The following HHAT variants were observed in gnomAD, a reference collection of about 807,000 sequenced individuals.
HHAT encodes protein-cysteine N-palmitoyltransferase HHAT.
HHAT carries 47 observed loss-of-function variants against 70.8 expected under a neutral mutation model. The ratio of observed to expected loss-of-function variants is 0.66; its 90% confidence interval spans 0.53 to 0.85. The LOEUF is 0.85. HHAT is among the 40% of genes least tolerant of loss of function. The pLI is 0.00. For missense variants in HHAT, 609 were observed against 604.8 expected (o/e 1.01, Z -0.07); for synonymous variants, 228 against 247.6 (o/e 0.92, Z 0.74).
intron 3 of HHAT, among the ~76,000 whole-genome samples, chr1:210,369,154 A>G (rs1571930452): frequency 6.6e-6 from 1 of 152,206 alleles, no homozygotes; most frequent in African/African-American, 2.4e-5. Context: ...ACAGAGAGAC[A>G]TTTACATGTA....
chr1:210,373,334 TTC>T (rs942761064), intron 3 of HHAT, among the ~76,000 whole-genome samples: 10 of 152,306 alleles, frequency 6.6e-5, no homozygotes, highest in African/African-American at 2.4e-4. Context: ...AAACATTTCC[TTC>T]TCTCAGTACA....
intron 4 of HHAT, among the ~76,000 whole-genome samples, chr1:210,398,972 A>G (rs928817387): frequency 1.3e-5 from 2 of 152,210 alleles, no homozygotes; most frequent in South Asian, 2.1e-4. Context: ...GAGCTAGAGT[A>G]TAGGTTTGGG....
intron 9 of HHAT, among the ~76,000 whole-genome samples, chr1:210,518,884 G>C (rs946972524): frequency 1.3e-5 from 2 of 152,200 alleles, no homozygotes; most frequent in Non-Finnish European, 2.9e-5. Context: ...CAAATAGAAA[G>C]TTGGGAGTTT....
intron 5 of HHAT, 40 bp from the exon 6 acceptor site, chr1:210,404,424 C>A (rs1255453392): frequency 1.3e-6 from 2 of 1,497,778 alleles, no homozygotes; most frequent in Non-Finnish European, 1.9e-6. Flanking sequence ...GATGTCCCTG[C>A]TGGCCACTCA....
chr1:210,370,470 G>A (rs2089465320), intron 3 of HHAT, among the ~76,000 whole-genome samples: 3 of 151,670 alleles, frequency 2.0e-5, no homozygotes, highest in Admixed American at 2.0e-4. Context: ...ACTGCATCTG[G>A]CCTTTAAGGA....
At chr1:210,481,000 A>C (rs1277583864) in intron 8 of HHAT, among the ~76,000 whole-genome samples, 1 of 152,204 alleles carries the variant, frequency 6.6e-6, no homozygotes, top group Non-Finnish European at 1.5e-5. Context: ...AACAGGCAAA[A>C]GCACATACGC....
chr1:210,578,773 G>A (rs967642023), intron 9 of HHAT, among the ~76,000 whole-genome samples: 5 of 152,062 alleles, frequency 3.3e-5, no homozygotes, highest in Admixed American at 2.0e-4. Flanking sequence ...CTATGAAGGC[G>A]AAATAAGCCC....
intron 10 of HHAT, among the ~76,000 whole-genome samples, chr1:210,593,471 C>T (rs547868929): frequency 4.6e-5 from 7 of 152,140 alleles, no homozygotes; most frequent in South Asian, 2.1e-4. Flanking sequence ...TCCCTGTGTT[C>T]GTATAGTTTC....
intron 3 of HHAT, among the ~76,000 whole-genome samples, chr1:210,378,902 T>C (rs2090428801): frequency 6.6e-6 from 1 of 152,248 alleles, no homozygotes; most frequent in South Asian, 2.1e-4. Flanking sequence ...AAGCTGGAGC[T>C]GGATTCCAAT....
intron 6 of HHAT, 120 bp from the exon 7 acceptor site, chr1:210,418,034 C>A: frequency 3.2e-6 from 3 of 947,688 alleles, no homozygotes; most frequent in Non-Finnish European, 3.4e-6. Context: ...ACAAACCAAA[C>A]CAACCCTCTG....
chr1:210,388,915 A>C (rs1285160370), intron 4 of HHAT, among the ~76,000 whole-genome samples: 1 of 152,302 alleles, frequency 6.6e-6, no homozygotes, highest in East Asian at 1.9e-4. Flanking sequence ...TGTGAGGGGA[A>C]GATGATGTAC....
intron 3 of HHAT, among the ~76,000 whole-genome samples, chr1:210,376,709 C>T (rs1004522421): frequency 1.3e-5 from 2 of 152,114 alleles, no homozygotes; most frequent in Admixed American, 6.5e-5. Flanking sequence ...GGAGGTGTCT[C>T]TTGGACAGCT....
At chr1:210,588,377 C>T (rs1660950929) in intron 10 of HHAT, 1 of 338,366 alleles carries the variant, frequency 3.0e-6, no homozygotes, top group Admixed American at 4.4e-5. Flanking sequence ...TCAACAGAAA[C>T]CATGTTAAGA....
intron 8 of HHAT, among the ~76,000 whole-genome samples, chr1:210,512,791 G>C (rs532770008): frequency 6.6e-6 from 1 of 152,090 alleles, no homozygotes; most frequent in South Asian, 2.1e-4. Context: ...AAAGTGGAAG[G>C]TACCTGGGAG....
chr1:210,620,341 C>T (rs1010043654), intron 10 of HHAT, among the ~76,000 whole-genome samples: 1 of 152,100 alleles, frequency 6.6e-6, no homozygotes, highest in Non-Finnish European at 1.5e-5. Context: ...GAGAGAGATC[C>T]CTGATGTCAA....
chr1:210,606,352 CTG>C (rs950956264), intron 10 of HHAT, among the ~76,000 whole-genome samples: 9 of 152,290 alleles, frequency 5.9e-5, no homozygotes, highest in African/African-American at 2.2e-4. Flanking sequence ...TCTTACACAA[CTG>C]TTTCCTCCAC....
chr1:210,480,294 A>C (rs951114355), intron 8 of HHAT, among the ~76,000 whole-genome samples: 1 of 152,198 alleles, frequency 6.6e-6, no homozygotes, highest in Admixed American at 6.5e-5. Flanking sequence ...CAAGCTGAGG[A>C]GTCAAAGTTG....
chr1:210,582,119 A>C (rs1317179004), intron 9 of HHAT, among the ~76,000 whole-genome samples: 2 of 152,242 alleles, frequency 1.3e-5, no homozygotes, highest in Non-Finnish European at 2.9e-5. Flanking sequence ...TGGGAAATCA[A>C]CTGGATTTTG....
intron 3 of HHAT, chr1:210,369,575 C>CTG (rs2089352340): frequency 6.6e-6 from 1 of 152,226 alleles, no homozygotes; most frequent in Admixed American, 6.5e-5. Context: ...TGCACACCTG[C>CTG]TGTGTAAGCA....
Sources: allele counts gnomAD v4.1 joint callset (sites outside exome capture counted in the v4.1 genomes callset), GRCh38; gene constraint gnomAD v4.1.1; transcripts MANE v1.5; gene names NCBI Gene and HGNC (gene_info 2026-07-23, HGNC 2026-07-21).